The following WWOX variants were observed in gnomAD, a reference collection of about 807,000 sequenced individuals.
WWOX encodes WW domain-containing oxidoreductase.
In WWOX, 69 loss-of-function variants were observed where a neutral mutation model predicts 46.2. The ratio of observed to expected loss-of-function variants is 1.49; its 90% CI spans 1.23 to 1.82. The LOEUF (loss-of-function observed/expected upper bound fraction) is 1.82. Ranked by LOEUF, WWOX falls within the 40% of genes most tolerant of loss-of-function variation. WWOX has a pLI of 0.00. For missense variants in WWOX, 919 were observed against 542.6 expected (o/e 1.69, Z -6.89); for synonymous variants, 359 against 202.6 (o/e 1.77, Z -6.56).
At chr16:78,984,547 A>G (rs554152807) in intron 8 of WWOX, among the ~76,000 whole-genome samples, 67 of 152,284 alleles carry the variant, frequency 4.4e-4, no homozygotes, top group African/African-American at 1.5e-3. Context: ...GCCCTGTGGG[A>G]TGACTCACAT....
chr16:78,762,974 C>G (rs963231085), intron 8 of WWOX, among the ~76,000 whole-genome samples: 3 of 152,142 alleles, frequency 2.0e-5, no homozygotes, highest in African/African-American at 7.2e-5. Flanking sequence ...GAAGATTTTC[C>G]TGGTGGGGGG....
At position 78,822,502 on chromosome 16, in the gene WWOX, A is replaced by G. The variant is rs560571250; in HGVS notation, c.1057-389106A>G. 8.4e-4 allele frequency among the ~76,000 whole-genome samples: 128 copies of G among 152,152 alleles called. 1 individual carries two copies. In the South Asian group the frequency reaches 0.01, roughly 12 times the overall value. On this transcript the variant is annotated intron_variant, in intron 8 of 8. Coordinates refer to ENST00000566780, the MANE Select transcript of WWOX (RefSeq NM_016373.4). ...GAGCCGAGACTCTGTCTCAAAGAAAAACAAAAACAAAAACAAACAAAAATC... is the reference window on the plus strand; with the variant it reads ...GAGCCGAGACTCTGTCTCAAAGAAAGACAAAAACAAAAACAAACAAAAATC...
At chr16:78,794,507 C>T (rs1414760470) in intron 8 of WWOX, among the ~76,000 whole-genome samples, 1 of 152,188 alleles carries the variant, frequency 6.6e-6, no homozygotes, top group African/African-American at 2.4e-5. Context: ...CCCAAACTCT[C>T]TGAATACCAA....
chr16:78,934,985 C>A (rs1472950389), intron 8 of WWOX, among the ~76,000 whole-genome samples: 2 of 152,088 alleles, frequency 1.3e-5, no homozygotes, highest in Admixed American at 1.3e-4. Flanking sequence ...TTTATGCAGC[C>A]AACAGACACA....
At chr16:78,593,172 T>G (rs540722832) in intron 8 of WWOX, among the ~76,000 whole-genome samples, 7 of 151,812 alleles carry the variant, frequency 4.6e-5, no homozygotes. Flanking sequence ...TCCCCTGGAG[T>G]GTATCCTGAT....
chr16:78,778,228 G>C (rs955864085), intron 8 of WWOX, among the ~76,000 whole-genome samples: 1 of 152,020 alleles, frequency 6.6e-6, no homozygotes, highest in African/African-American at 2.4e-5. Flanking sequence ...CCTATTTCTT[G>C]AATAACCTCC....
intron 8 of WWOX, among the ~76,000 whole-genome samples, chr16:78,842,270 G>T (rs1048424734): frequency 5.3e-5 from 8 of 151,714 alleles, no homozygotes; most frequent in Middle Eastern, 3.4e-3. Context: ...GAGGCAGGAG[G>T]ATTGCTTGAG....
At chr16:78,352,652 A>G (rs993831560) in intron 5 of WWOX, among the ~76,000 whole-genome samples, 9 of 152,216 alleles carry the variant, frequency 5.9e-5, no homozygotes, top group Admixed American at 6.5e-5. Flanking sequence ...AGCAATCTTA[A>G]TGCCATCTAC....
At chr16:78,103,461 C>G (rs1187331631) in intron 1 of WWOX, among the ~76,000 whole-genome samples, 2 of 152,128 alleles carry the variant, frequency 1.3e-5, no homozygotes, top group South Asian at 2.1e-4. Context: ...AGGGCTCACT[C>G]TCTGGACCTT....
intron 8 of WWOX, among the ~76,000 whole-genome samples, chr16:78,802,290 G>T (rs899760701): frequency 6.7e-6 from 1 of 149,500 alleles, no homozygotes; most frequent in Non-Finnish European, 1.5e-5. Flanking sequence ...TATTTAACGG[G>T]TGTTTCATTT....
intron 8 of WWOX, among the ~76,000 whole-genome samples, chr16:78,689,194 C>T (rs2047930600): frequency 6.6e-6 from 1 of 152,162 alleles, no homozygotes; most frequent in African/African-American, 2.4e-5. Context: ...ATGATTCAGC[C>T]CAAAATGGCA....
At chr16:79,174,747 G>T (rs562849856) in intron 8 of WWOX, among the ~76,000 whole-genome samples, 2 of 152,308 alleles carry the variant, frequency 1.3e-5, no homozygotes, top group East Asian at 3.9e-4. Context: ...TAGAATATGA[G>T]TGAGCAGTAC....
At chr16:78,822,598 C>T (rs1197839540) in intron 8 of WWOX, among the ~76,000 whole-genome samples, 1 of 152,154 alleles carries the variant, frequency 6.6e-6, no homozygotes, top group Non-Finnish European at 1.5e-5. Flanking sequence ...TCTTCAGAGC[C>T]TAGATATTCA....
intron 8 of WWOX, among the ~76,000 whole-genome samples, chr16:78,838,554 A>G (rs1342121463): frequency 6.6e-6 from 1 of 152,194 alleles, no homozygotes; most frequent in African/African-American, 2.4e-5. Flanking sequence ...AAAATAGAAA[A>G]CAGATGGCTG....
chr16:79,031,237 C>T (rs1457788597), intron 8 of WWOX, among the ~76,000 whole-genome samples: 2 of 152,140 alleles, frequency 1.3e-5, no homozygotes, highest in East Asian at 3.9e-4. Flanking sequence ...ATCTGGGTTT[C>T]CCATCCCTGC....
At chr16:78,914,878 CAGAAAAA>C (rs2045209159) in intron 8 of WWOX, among the ~76,000 whole-genome samples, 1 of 65,678 alleles carries the variant, frequency 1.5e-5, no homozygotes. Flanking sequence ...GACTCCGCCT[CAGAAAAA>C]AAAAAAAAAA....
chr16:78,125,464 CCGTG>C (rs2033321191), intron 4 of WWOX, among the ~76,000 whole-genome samples: 1 of 152,082 alleles, frequency 6.6e-6, no homozygotes, highest in Admixed American at 6.6e-5. Context: ...TTATTTAAAC[CCGTG>C]AAGCCTCGCT....
chr16:78,594,192 C>G (rs1391469937), intron 8 of WWOX, among the ~76,000 whole-genome samples: 2 of 144,276 alleles, frequency 1.4e-5, no homozygotes, highest in African/African-American at 5.8e-5. Context: ...TCCTTAGGGC[C>G]TTTTTAACCC....
At chr16:78,594,480 C>T (rs1449838641) in intron 8 of WWOX, among the ~76,000 whole-genome samples, 1 of 129,182 alleles carries the variant, frequency 7.7e-6, no homozygotes, top group Admixed American at 9.2e-5. Flanking sequence ...GCTGGTCTTG[C>T]CAGCTGGCAC....
Sources: allele counts gnomAD v4.1 joint callset (sites outside exome capture counted in the v4.1 genomes callset), GRCh38; gene constraint gnomAD v4.1.1; transcripts MANE v1.5; gene names NCBI Gene and HGNC (gene_info 2026-07-23, HGNC 2026-07-21).